TFDP1: variants seen among roughly 807,000 people sequenced by gnomAD.
The protein encoded by TFDP1 is transcription factor Dp-1, also known as DRTF1-polypeptide 1.
Under a neutral mutation model 48.0 loss-of-function variants are expected in TFDP1, and 6 were observed. The observed-to-expected ratio is 0.13, with a 90% CI of 0.07 to 0.25. The LOEUF (loss-of-function observed/expected upper bound fraction) is 0.25. TFDP1 is among the 10% of genes least tolerant of loss of function. The pLI, the probability that TFDP1 is intolerant of heterozygous loss-of-function variation, is 1.00. For synonymous variants in TFDP1, 201 were observed against 211.6 expected, an observed-to-expected ratio of 0.95 and a Z score of 0.44; for missense variants, 335 against 543.0, an observed-to-expected ratio of 0.62 and a Z score of 3.81.
chr13:113,625,788 GGC>G (rs775313557), intron 4 of TFDP1, among the ~76,000 whole-genome samples: 775 of 33,112 alleles, frequency 0.023, 1 homozygote, highest in Non-Finnish European at 0.036. Context: ...CGTGTCCTCA[GGC>G]GTCTCTCACG....
rs4150708 is a variant in TFDP1, at chr13:113,599,138, C to T, written c.13-11858C>T. Among the ~76,000 whole-genome samples, 14 of 151,576 alleles carry T rather than the reference C, an allele frequency of 9.2e-5. No individual in the cohort carries two copies. The East Asian group carries it at 2.1e-3, about 23-fold the overall frequency. Reference sequence around the variant, plus strand: ...TAAATGAACTCACATGTTTTGTTCACTGCTATGTTTTACTCAACAGTTTGT... The same window carrying T: ...TAAATGAACTCACATGTTTTGTTCATTGCTATGTTTTACTCAACAGTTTGT... On this transcript the variant is annotated intron_variant, in intron 2 of 11. Coordinates refer to ENST00000375370, the MANE Select transcript of TFDP1 (RefSeq NM_007111.5).
intron 3 of TFDP1, among the ~76,000 whole-genome samples, chr13:113,613,811 G>A (rs2048778959): frequency 6.6e-6 from 1 of 151,984 alleles, no homozygotes; most frequent in South Asian, 2.1e-4. Context: ...GAGTGTCTGT[G>A]CGTGTCTGTT....
At chr13:113,591,113 G>A (rs1221392625) in intron 2 of TFDP1, among the ~76,000 whole-genome samples, 1 of 151,848 alleles carries the variant, frequency 6.6e-6, no homozygotes, top group African/African-American at 2.4e-5. Context: ...AGGCCAAGGC[G>A]GGTGGATCAC....
chr13:113,597,919 G>C (rs192305337), intron 2 of TFDP1, among the ~76,000 whole-genome samples: 1 of 152,194 alleles, frequency 6.6e-6, no homozygotes, highest in African/African-American at 2.4e-5. Flanking sequence ...TGATTGAGGG[G>C]GTGGCAGGTG....
At chr13:113,615,414 A>T (rs118180181) in intron 3 of TFDP1, among the ~76,000 whole-genome samples, 6,069 of 152,192 alleles carry the variant, frequency 0.04, 172 homozygotes, top group Non-Finnish European at 0.055. Flanking sequence ...TCTGAGGGTG[A>T]CCTGGCCCCA....
chr13:113,629,355 C>G (rs1017786820), intron 4 of TFDP1, among the ~76,000 whole-genome samples: 2 of 152,200 alleles, frequency 1.3e-5, no homozygotes, highest in African/African-American at 4.8e-5. Context: ...GTCCTGTCTT[C>G]CAGGAAAGGT....
chr13:113,625,160 C>T lies in TFDP1; in HGVS notation c.186+1874C>T, dbSNP rs372978073. Among the ~76,000 whole-genome samples, 210 of 100,498 alleles carry T rather than the reference C, an allele frequency of 2.1e-3. 5 individuals carry two copies. The highest frequency in any genetic ancestry group is 7.6e-3 in the African/African-American group (169 of 22,092). 65.9% of individuals were successfully genotyped at this position (100,498 alleles called of 152,430 possible). On this transcript the variant is annotated intron_variant, in intron 4 of 11. Transcript: ENST00000375370. ...GTGTCTCTCACGTGTCCTCAGGTGTCTCTCAGGTGTCTCTCACGTGTCCTC... is the reference window on the plus strand; with the variant it reads ...GTGTCTCTCACGTGTCCTCAGGTGTTTCTCAGGTGTCTCTCACGTGTCCTC...
chr13:113,607,020 C>T lies in TFDP1; in HGVS notation c.13-3976C>T, dbSNP rs955379536. Among the ~76,000 whole-genome samples the T allele has an allele frequency of 5.9e-5, 9 of 152,234 alleles. No homozygotes were observed. The East Asian group carries it at 7.7e-4, about 13-fold the overall frequency. ...GGAGAGGTCTGCTTTAGAGGCCCTG[C>T]GGCCCCAGAAGTCATGCCTCTGAGT... On this transcript the variant is annotated intron_variant, in intron 2 of 11. Coordinates refer to ENST00000375370, the MANE Select transcript of TFDP1 (RefSeq NM_007111.5). The surrounding 1 kb of genome is among the most constrained non-coding windows in gnomAD (Gnocchi z 5.2).
Position 113,627,246 on chromosome 13 carries a change from A to G in TFDP1, c.186+3960A>G, listed in dbSNP as rs1298251507. Among the ~76,000 whole-genome samples, 1 of 152,152 alleles carries G rather than the reference A, an allele frequency of 6.6e-6. No individual in the cohort carries two copies. On this transcript the variant is annotated intron_variant, in intron 4 of 11. Coordinates refer to ENST00000375370, the MANE Select transcript of TFDP1 (RefSeq NM_007111.5). This position sits in a 1 kb window ranked among gnomAD's most constrained non-coding sequence, Gnocchi z 4.1. ...CAGTCAGCAGGCGCAGGGCTTGTCA[A>G]GGTCAGGGTCTTTTGAGGTGCGGAT...
rs974408252 is a variant in TFDP1, at chr13:113,607,733, G to T, written c.13-3263G>T. Reference sequence around the variant, plus strand: ...TGCTGGGGAGGAAGAAGCACTGCCCGCAAGGAGGGGCTGTGCCAGTGGGTG... The same window carrying T: ...TGCTGGGGAGGAAGAAGCACTGCCCTCAAGGAGGGGCTGTGCCAGTGGGTG... On this transcript the variant is annotated intron_variant, in intron 2 of 11. Coordinates refer to ENST00000375370, the MANE Select transcript of TFDP1 (RefSeq NM_007111.5). The surrounding 1 kb of genome is among the most constrained non-coding windows in gnomAD (Gnocchi z 5.2). Among the ~76,000 whole-genome samples the T allele has an allele frequency of 1.6e-4, 24 of 152,170 alleles. No individual in the cohort carries two copies. The highest frequency in any genetic ancestry group is 5.3e-4 in the African/African-American group (22 of 41,442).
chr13:113,631,515 T>G, intron 4 of TFDP1, 108 bp from the exon 5 acceptor site: 2 of 1,394,530 alleles, frequency 1.4e-6, no homozygotes, highest in Non-Finnish European at 1.9e-6. Flanking sequence ...CTGCTCACTG[T>G]GGTTAAGGAA....
chr13:113,605,843 G>A (rs1328413314), intron 2 of TFDP1, among the ~76,000 whole-genome samples: 3 of 143,856 alleles, frequency 2.1e-5, no homozygotes, highest in Non-Finnish European at 4.4e-5. Context: ...AAGCAGCGCA[G>A]TGGTGAGTGT....
rs769405625 is a variant in TFDP1 at position 113,636,640 on chromosome 13, G to A, written c.946G>A (p.Ala316Thr). 11 of 1,612,988 alleles carry A rather than the reference G, an allele frequency of 6.8e-6. No homozygotes were observed. The highest frequency in any genetic ancestry group is 1.6e-4 in the Middle Eastern group (1 of 6,084). The change falls in exon 10 of 12, where the codon GCC (alanine) becomes ACC (threonine). Residue 316 changes from alanine to threonine, a missense_variant. Coordinates refer to ENST00000375370, the MANE Select transcript of TFDP1 (RefSeq NM_007111.5). ...ACGLESGSCS[A>T]EDLKMARSLV... Reference sequence around the variant, plus strand: ...CGGGCTGGAGTCGGGGAGCTGCTCTGCCGAAGACCTTAAAATGGCCAGAAG... The same window carrying A: ...CGGGCTGGAGTCGGGGAGCTGCTCTACCGAAGACCTTAAAATGGCCAGAAG...
intron 11 of TFDP1, among the ~76,000 whole-genome samples, chr13:113,639,849 G>A (rs1231129215): frequency 6.6e-6 from 1 of 152,244 alleles, no homozygotes; most frequent in East Asian, 1.9e-4. Context: ...TGATGAGTGA[G>A]GGAGAGGCAG....
chr13:113,639,247 G>A (rs1013539209), intron 11 of TFDP1, among the ~76,000 whole-genome samples: 1 of 152,214 alleles, frequency 6.6e-6, no homozygotes, highest in African/African-American at 2.4e-5. Flanking sequence ...TGGGATGTGG[G>A]TATTTTTAGG....
rs1349637496 is a variant in TFDP1 at position 113,593,056 on chromosome 13, C to T, written c.12+7207C>T. The stretch of plus-strand genomic sequence containing the variant: ...TGATGCGTGTGGGTCCTCAGCCCTG[C>T]CCAGGTGACAGGTGTGGTGTGCGCG... On this transcript the variant is annotated intron_variant, in intron 2 of 11. Coordinates refer to ENST00000375370, the MANE Select transcript of TFDP1 (RefSeq NM_007111.5). Among the ~76,000 whole-genome samples, 495 of 126,032 alleles carry T rather than the reference C, an allele frequency of 3.9e-3. No individual in the cohort carries two copies. In the Middle Eastern group the frequency reaches 0.043, roughly 11 times the overall value. The allele number at this position is 126,032 out of a possible 152,430, so 82.7% of individuals were successfully genotyped here.
intron 2 of TFDP1, among the ~76,000 whole-genome samples, chr13:113,603,216 G>A (rs1206065113): frequency 2.0e-5 from 3 of 152,214 alleles, no homozygotes; most frequent in Non-Finnish European, 4.4e-5. Flanking sequence ...TGTGTTGCTT[G>A]CTGACCCCCT....
intron 11 of TFDP1, 79 bp downstream of exon 11, chr13:113,637,975 T>C: frequency 1.9e-6 from 3 of 1,557,030 alleles, no homozygotes; most frequent in Non-Finnish European, 2.6e-6. Flanking sequence ...GGCAGCCGTC[T>C]CAGGTGTGGC....
chr13:113,612,762 A>G (rs186620383), intron 3 of TFDP1, among the ~76,000 whole-genome samples: 166 of 152,328 alleles, frequency 1.1e-3, no homozygotes, highest in African/African-American at 3.9e-3. Flanking sequence ...AACAAGTTTA[A>G]TTGAGCTGAA....
Sources: allele counts gnomAD v4.1 joint callset (sites outside exome capture counted in the v4.1 genomes callset), GRCh38; gene constraint gnomAD v4.1.1; non-coding constraint Gnocchi (gnomAD v3.1); transcripts MANE v1.5; gene names NCBI Gene and HGNC (gene_info 2026-07-23, HGNC 2026-07-21).